The following EPHA10 variants were observed in gnomAD, a reference collection of about 807,000 sequenced individuals.
EPHA10 encodes EPH receptor A10.
A neutral mutation model predicts 109.7 loss-of-function variants in EPHA10; 120 were observed. The ratio of observed to expected loss-of-function variants is 1.09; its 90% CI spans 0.94 to 1.27. EPHA10 has a LOEUF of 1.27. Ranked by LOEUF, EPHA10 falls within the 50% of genes most tolerant of loss-of-function variation. The pLI is 0.00. For synonymous variants in EPHA10, 640 were observed against 618.9 expected (o/e 1.03, Z -0.51); for missense variants, 1,396 against 1,411.1 (o/e 0.99, Z 0.17).
chr1:37,761,660 C>T lies in EPHA10; in HGVS notation c.595G>A (p.Val199Met), dbSNP rs1281039637. ...TAGACGCGCACCGAGACAAGCGCCA[C>T]GCATGCGCCCACGTCCTGAAAGGCC... Reference protein sequence around the residue: ...HLAFQDVGACVALVSVRVYYK... With the variant: ...HLAFQDVGACMALVSVRVYYK... Residue 199 changes from valine to methionine, a missense_variant, in exon 3 of 17, where the codon GTG (valine) becomes ATG (methionine). By Grantham distance (21) the Val-to-Met change is conservative. Coordinates refer to ENST00000373048, the MANE Select transcript of EPHA10 (RefSeq NM_001099439.2). The T allele has an allele frequency of 3.1e-6, 5 of 1,608,978 alleles. No individual in the cohort carries two copies. Among genetic ancestry groups the T allele is most frequent in the Admixed American group, 1.7e-5 (1 of 60,004 alleles).
At chr1:37,760,441 A>G (rs1646421059) in intron 3 of EPHA10, 4 of 1,055,608 alleles carry the variant, frequency 3.8e-6, no homozygotes, top group Non-Finnish European at 4.6e-6. Context: ...GATCTCCCCC[A>G]GGGAGCACAG....
chr1:37,753,466 C>T (rs1171155705), intron 4 of EPHA10, among the ~76,000 whole-genome samples: 1 of 149,618 alleles, frequency 6.7e-6, no homozygotes, highest in Non-Finnish European at 1.5e-5. Flanking sequence ...GTAGAAGGGA[C>T]GACCGGTGAA....
At chr1:37,732,042 T>C (rs1218049081) in intron 6 of EPHA10, among the ~76,000 whole-genome samples, 1 of 152,226 alleles carries the variant, frequency 6.6e-6, no homozygotes, top group Admixed American at 6.5e-5. Context: ...TTTTCACAAC[T>C]GTCCTGCAAG....
At chr1:37,722,673 A>G in intron 10 of EPHA10, 3 of 377,820 alleles carry the variant, frequency 7.9e-6, no homozygotes, top group South Asian at 4.2e-5. Flanking sequence ...GACCCTGATC[A>G]TGCAGCGGGT....
chr1:37,731,471 C>G lies in EPHA10; in HGVS notation c.1603G>C (p.Gly535Arg). ...YVFQIRAASP[G>R]PSWEAQSFNP... ...AAACTCTGGGCCTCCCAGGATGGCC[C>G]CGGGGAAGCGGCCCGGATCTGAAAG... Residue 535 changes from glycine (G) to arginine (R), a missense_variant, in exon 7 of 17, where the codon GGG becomes CGG. Coordinates refer to ENST00000373048, the MANE Select transcript of EPHA10 (RefSeq NM_001099439.2). 6.2e-7 allele frequency: 1 copy of G among 1,613,988 alleles called. No homozygotes were observed. The highest frequency in any genetic ancestry group is 1.7e-5 in the Admixed American group (1 of 60,008).
chr1:37,756,024 A>G (rs1321590108), intron 3 of EPHA10, among the ~76,000 whole-genome samples: 1 of 152,126 alleles, frequency 6.6e-6, no homozygotes, highest in East Asian at 1.9e-4. Flanking sequence ...CATAGGTTTG[A>G]GAGGGTCCAT....
chr1:37,759,812 G>A (rs1340883282), intron 3 of EPHA10, among the ~76,000 whole-genome samples: 3 of 150,794 alleles, frequency 2.0e-5, no homozygotes, highest in Non-Finnish European at 4.4e-5. Context: ...AAAAAAAGAA[G>A]TTCTTAATCT....
intron 5 of EPHA10, among the ~76,000 whole-genome samples, chr1:37,736,654 G>T (rs1646077515): frequency 6.6e-6 from 1 of 152,086 alleles, no homozygotes; most frequent in African/African-American, 2.4e-5. Context: ...GTTACAGTGA[G>T]CCGAGATCGC....
At chr1:37,740,012 C>T (rs753938046) in intron 5 of EPHA10, among the ~76,000 whole-genome samples, 15 of 151,876 alleles carry the variant, frequency 9.9e-5, no homozygotes, top group Non-Finnish European at 1.9e-4. Flanking sequence ...GAGGCTTGCC[C>T]AAGACCAGAA....
intron 3 of EPHA10, among the ~76,000 whole-genome samples, chr1:37,759,707 C>T (rs1189797381): frequency 6.6e-6 from 1 of 151,828 alleles, no homozygotes; most frequent in Non-Finnish European, 1.5e-5. Context: ...TGCTTGAAAC[C>T]AAGAACTCCA....
intron 5 of EPHA10, among the ~76,000 whole-genome samples, chr1:37,749,672 CAAA>C (rs796069964): frequency 2.0e-5 from 2 of 102,516 alleles, no homozygotes; most frequent in Non-Finnish European, 2.1e-5. Flanking sequence ...GACTCCGTCT[CAAA>C]AAAAAAAAAA....
rs756592816 is a variant in EPHA10 at position 37,721,693 on chromosome 1, G to T, written c.2113C>A (p.His705Asn). 3 of 1,611,606 alleles carry T rather than the reference G, an allele frequency of 1.9e-6. No homozygotes were observed. The highest frequency in any genetic ancestry group is 2.5e-6 in the Non-Finnish European group (3 of 1,179,638). Residue 705 changes from histidine to asparagine, a missense_variant, in exon 11 of 17, where the codon CAC (histidine) becomes AAC (asparagine). Physicochemically the swap from His to Asn is moderately conservative, Grantham distance 68. Coordinates refer to ENST00000373048, the MANE Select transcript of EPHA10 (RefSeq NM_001099439.2). ...ACAACGCCCTCCAGCCGCACGATGT[G>T]GCTATGGTCAAACTGGCCCAGCGTG... Reference protein sequence around the residue: ...ALTLGQFDHSHIVRLEGVVTR... With the variant: ...ALTLGQFDHSNIVRLEGVVTR...
chr1:37,715,832 G>T (rs371936874), downstream of EPHA10: 2 of 502,992 alleles, frequency 4.0e-6, no homozygotes, highest in South Asian at 3.1e-5. Flanking sequence ...CATCTTTCAC[G>T]GCAGGAGCAG....
intron 5 of EPHA10, among the ~76,000 whole-genome samples, chr1:37,739,873 C>T (rs1191465935): frequency 1.3e-5 from 2 of 151,592 alleles, no homozygotes; most frequent in South Asian, 2.1e-4. Flanking sequence ...GTGGGAGGAT[C>T]GCTTGAGCCC....
At chr1:37,748,918 C>CTTTTTTTTTT (rs55656984) in intron 5 of EPHA10, among the ~76,000 whole-genome samples, 7 of 95,304 alleles carry the variant, frequency 7.3e-5, no homozygotes, top group Non-Finnish European at 1.4e-4. Flanking sequence ...TTCTTTTCAT[C>CTTTTTTTTTT]TTTTTTTTTT....
intron 5 of EPHA10, among the ~76,000 whole-genome samples, chr1:37,738,340 G>C (rs550966): frequency 0.54 from 81,215 of 151,784 alleles, 21,765 homozygotes; most frequent in South Asian, 0.63. Flanking sequence ...GCACTCCAGC[G>C]TGGGCAACAG....
At chr1:37,739,110 C>A (rs1279592487) in intron 5 of EPHA10, among the ~76,000 whole-genome samples, 2 of 151,822 alleles carry the variant, frequency 1.3e-5, no homozygotes, top group African/African-American at 4.8e-5. Context: ...TGTAACAAAC[C>A]TGCACGCTGT....
intron 7 of EPHA10, among the ~76,000 whole-genome samples, chr1:37,728,689 G>T (rs1162337768): frequency 6.6e-6 from 1 of 152,148 alleles, no homozygotes; most frequent in African/African-American, 2.4e-5. Flanking sequence ...TCTGGGAGAT[G>T]AGGTAGGATC....
At chr1:37,720,962 C>T (rs1645784618) in intron 11 of EPHA10, 118 bp from the exon 12 acceptor site, 1 of 915,426 alleles carries the variant, frequency 1.1e-6, no homozygotes, top group Admixed American at 2.1e-5. Context: ...ACCAAGCTCC[C>T]TAATCTCGCC....
Sources: allele counts gnomAD v4.1 joint callset (sites outside exome capture counted in the v4.1 genomes callset), GRCh38; gene constraint gnomAD v4.1.1; transcripts MANE v1.5; gene names NCBI Gene and HGNC (gene_info 2026-07-23, HGNC 2026-07-21).